The following SQOR variants were observed in gnomAD, a reference collection of about 807,000 sequenced individuals.
SQOR encodes sulfide:quinone oxidoreductase, mitochondrial.
In SQOR, 39 loss-of-function variants were observed where a neutral mutation model predicts 48.6. That is an observed-to-expected ratio of 0.80 (90% CI 0.62 to 1.05). SQOR has a LOEUF of 1.05. Ranked by LOEUF, SQOR falls within the 50% of genes least tolerant of loss-of-function variation. The pLI, the probability that SQOR is intolerant of heterozygous loss-of-function variation, is 0.00. For missense variants in SQOR, 561 were observed against 559.9 expected (o/e 1.00, Z -0.02); for synonymous variants, 220 against 206.2 (o/e 1.07, Z -0.57).
chr15:45,685,205 C>T (rs1292508694), intron 7 of SQOR, among the ~76,000 whole-genome samples: 1 of 152,162 alleles, frequency 6.6e-6, no homozygotes, highest in East Asian at 1.9e-4. Flanking sequence ...ATTTACTCTT[C>T]TCTTCAATGT....
At chr15:45,684,903 G>A (rs989174982) in intron 7 of SQOR, among the ~76,000 whole-genome samples, 1 of 152,154 alleles carries the variant, frequency 6.6e-6, no homozygotes, top group African/African-American at 2.4e-5. Flanking sequence ...CCCCAACCAT[G>A]GAGGGAGCAT....
intron 2 of SQOR, among the ~76,000 whole-genome samples, chr15:45,660,657 A>G (rs887130992): frequency 7.2e-5 from 11 of 152,214 alleles, no homozygotes; most frequent in Non-Finnish European, 1.5e-4. Flanking sequence ...GCTGATGTTC[A>G]TAGTCTAAAA....
chr15:45,686,038 T>C (rs1047539318), intron 7 of SQOR, among the ~76,000 whole-genome samples: 1 of 143,062 alleles, frequency 7.0e-6, no homozygotes, highest in African/African-American at 2.6e-5. Flanking sequence ...TCTGTAGAGA[T>C]AGGGTCTCCC....
intron 1 of SQOR, among the ~76,000 whole-genome samples, chr15:45,657,637 C>T (rs1595575610): frequency 1.3e-5 from 2 of 152,236 alleles, no homozygotes; most frequent in Non-Finnish European, 1.5e-5. Flanking sequence ...CTCCTCTTTC[C>T]CATTCCCTAT....
chr15:45,639,155 C>T (rs1215914215), intron 1 of SQOR, among the ~76,000 whole-genome samples: 1 of 152,158 alleles, frequency 6.6e-6, no homozygotes, highest in Non-Finnish European at 1.5e-5. Flanking sequence ...GATCTCTTAC[C>T]CAACCTATGC....
chr15:45,643,619 G>A (rs906053677), intron 1 of SQOR, among the ~76,000 whole-genome samples: 10 of 152,260 alleles, frequency 6.6e-5, no homozygotes, highest in South Asian at 2.1e-4. Context: ...TATCATTTGC[G>A]CAGGTAAAAA....
chr15:45,652,332 T>G (rs1889508554), intron 1 of SQOR, among the ~76,000 whole-genome samples: 1 of 151,500 alleles, frequency 6.6e-6, no homozygotes, highest in East Asian at 2.0e-4. Flanking sequence ...TTCCATTGAG[T>G]GATTGATTGA....
chr15:45,634,774 G>C (rs1379098720), upstream of SQOR: 1 of 152,222 alleles, frequency 6.6e-6, no homozygotes, highest in Non-Finnish European at 1.5e-5. Flanking sequence ...CCGCCTGTGC[G>C]CCCCAGCCTG....
upstream of SQOR, chr15:45,631,767 T>A (rs547655855): frequency 1.4e-4 from 22 of 152,376 alleles, no homozygotes; most frequent in African/African-American, 5.3e-4. Flanking sequence ...CTCCCGGATG[T>A]TCTTGAATTG....
intron 9 of SQOR, among the ~76,000 whole-genome samples, chr15:45,690,499 TGA>T (rs1890303499): frequency 6.6e-6 from 1 of 152,206 alleles, no homozygotes; most frequent in African/African-American, 2.4e-5. Flanking sequence ...CAGGGACATT[TGA>T]TAATTTCTGG....
At chr15:45,653,246 C>T (rs187939573) in intron 1 of SQOR, among the ~76,000 whole-genome samples, 170 of 152,272 alleles carry the variant, frequency 1.1e-3, no homozygotes, top group African/African-American at 3.7e-3. Context: ...TCACTTCAGA[C>T]GCCAGCCAGG....
chr15:45,631,671 C>G (rs936289567), upstream of SQOR: 1 of 152,336 alleles, frequency 6.6e-6, no homozygotes, highest in African/African-American at 2.4e-5. Context: ...GTTCCATTCT[C>G]TATTTCCACC....
At chr15:45,652,638 C>CTTTTTTTTTTTTTTT (rs757986564) in intron 1 of SQOR, among the ~76,000 whole-genome samples, 1 of 60,302 alleles carries the variant, frequency 1.7e-5, no homozygotes, top group Non-Finnish European at 2.9e-5. Flanking sequence ...CGTGAGCCTC[C>CTTTTTTTTTTTTTTT]TTTTTTTTTT....
At chr15:45,632,455 C>T (rs926901888), upstream of SQOR, among the ~76,000 whole-genome samples, 3 of 151,896 alleles carry the variant, frequency 2.0e-5, no homozygotes, top group African/African-American at 7.3e-5. Context: ...CTCCTGACCT[C>T]GTGATCTGCC....
At chr15:45,661,288 C>G (rs1299393226) in intron 2 of SQOR, among the ~76,000 whole-genome samples, 2 of 77,924 alleles carry the variant, frequency 2.6e-5, no homozygotes, top group Non-Finnish European at 4.7e-5. Context: ...GAGACTCTGT[C>G]TTAAAAAAAA....
At chr15:45,631,495 G>A (rs1032671007), upstream of SQOR, 1 of 152,220 alleles carries the variant, frequency 6.6e-6, no homozygotes, top group Non-Finnish European at 1.5e-5. Context: ...GGAGGCTAGG[G>A]TATGAGTTGT....
chr15:45,659,582 T>C (rs893058789), intron 2 of SQOR, among the ~76,000 whole-genome samples: 2 of 152,160 alleles, frequency 1.3e-5, no homozygotes, highest in Non-Finnish European at 2.9e-5. Context: ...TTCTGGTGGT[T>C]ACCCTGAAAT....
intron 1 of SQOR, among the ~76,000 whole-genome samples, chr15:45,652,918 A>G (rs1889522293): frequency 6.6e-6 from 1 of 151,588 alleles, no homozygotes; most frequent in African/African-American, 2.4e-5. Flanking sequence ...GGTTGCAGTG[A>G]GTCGAGATCC....
chr15:45,673,947 T>C (rs888418679), intron 5 of SQOR, 146 bp downstream of exon 5: 1 of 748,814 alleles, frequency 1.3e-6, no homozygotes, highest in East Asian at 2.7e-5. Context: ...ACTGGAAGTT[T>C]ATAAAATATA....
Sources: allele counts gnomAD v4.1 joint callset (sites outside exome capture counted in the v4.1 genomes callset), GRCh38; gene constraint gnomAD v4.1.1; transcripts MANE v1.5; gene names NCBI Gene and HGNC (gene_info 2026-07-23, HGNC 2026-07-21).